Variants in CTXND1 observed in about 807,000 individuals in gnomAD.
CTXND1 encodes cortexin domain containing 1, also known as cortexin domain-containing 1 protein.
rs1364556123 is a variant in CTXND1 at position 80,220,123 on chromosome 15, TATCTATCTATCTATCTATCTATC to T, written c.-217-16406_-217-16384del. Among the ~76,000 whole-genome samples, 801 of 113,864 alleles carry T rather than the reference TATCTATCTATCTATCTATCTATC, an allele frequency of 7.0e-3. 7 individuals are homozygous for T. The highest frequency in any genetic ancestry group is 0.018 in the Middle Eastern group (4 of 228). The allele number at this position is 113,864 out of a possible 152,430, so 74.7% of individuals were successfully genotyped here. Reference sequence around the variant, plus strand: ...TCATCTATCTATCTATCTATCTATCTATCTATCTATCTATCTATCTATCATCTATCTATCTATCTATCTATCTA... The same window carrying T: ...TCATCTATCTATCTATCTATCTATCTATCTATCTATCTATCTATCTATCTA... On this transcript the variant is annotated intron_variant, in intron 1 of 2. Transcript: ENST00000560778.
intron 1 of CTXND1, among the ~76,000 whole-genome samples, chr15:80,241,071 A>G (rs1042623321): frequency 3.3e-5 from 5 of 152,148 alleles, no homozygotes; most frequent in African/African-American, 1.2e-4. Flanking sequence ...TTGCACCCTC[A>G]CCTTCCCTTG....
At chr15:80,230,020 G>T (rs943639952) in intron 1 of CTXND1, among the ~76,000 whole-genome samples, 2 of 152,146 alleles carry the variant, frequency 1.3e-5, no homozygotes, top group African/African-American at 4.8e-5. Flanking sequence ...TCCTGGTCAT[G>T]TTCAGAATTA....
intron 1 of CTXND1, among the ~76,000 whole-genome samples, chr15:80,221,768 T>A (rs1893322240): frequency 6.6e-6 from 1 of 152,220 alleles, no homozygotes. Context: ...TTTCTTTGAG[T>A]ATAACTTTGG....
At position 80,201,581 on chromosome 15, in the gene CTXND1, G is replaced by A. The variant is rs567027649; in HGVS notation, c.*189C>T. On this transcript the variant is annotated 3_prime_UTR_variant, in exon 3 of 3. Transcript: ENST00000560778. ...GCTGGTCCATGGTTGCGACACCCAC[G>A]GCACCCGGGCATTCCACGCTGGTGC... 30 of 391,004 alleles carry A rather than the reference G, an allele frequency of 7.7e-5. No individual in the cohort carries two copies. Among genetic ancestry groups the A allele is most frequent in the African/African-American group, 4.5e-4 (22 of 48,614 alleles). The allele number at this position is 391,004 out of a possible 1,614,324, so 24.2% of individuals were successfully genotyped here. A position where few individuals can be genotyped will look rare whatever the true frequency, so the allele number is the denominator to read the frequency against.
At chr15:80,237,728 ACTG>A (rs1893517642) in intron 1 of CTXND1, among the ~76,000 whole-genome samples, 1 of 152,174 alleles carries the variant, frequency 6.6e-6, no homozygotes, top group South Asian at 2.1e-4. Context: ...GTTAAAACAC[ACTG>A]GGTGCAGTGG....
In CTXND1 at chr15:80,242,715, T is replaced by C. The variant is rs1893584321; in HGVS notation, c.-218+9292A>G. ...AGAATTTCACATAAAATTCAGGATT[T>C]CTGCTTTTGGAAGATTGGCTACACT... is the stretch of plus-strand genomic sequence containing the variant. On this transcript the variant is annotated intron_variant, in intron 1 of 2. Transcript: ENST00000560778. 1.3e-5 allele frequency among the ~76,000 whole-genome samples: 2 copies of C among 152,214 alleles called. 1 individual carries two copies. Among genetic ancestry groups the C allele is most frequent in the South Asian group, 4.1e-4 (2 of 4,828 alleles).
At chr15:80,237,130 T>C (rs1893508677) in intron 1 of CTXND1, among the ~76,000 whole-genome samples, 1 of 151,848 alleles carries the variant, frequency 6.6e-6, no homozygotes, top group Admixed American at 6.6e-5. Flanking sequence ...GATCAGCAGA[T>C]AGAGACCATC....
chr15:80,237,227 T>C (rs2114712), intron 1 of CTXND1, among the ~76,000 whole-genome samples: 64,053 of 150,546 alleles, frequency 0.43, 14,500 homozygotes, highest in East Asian at 0.85. Flanking sequence ...CCCAGCTACT[T>C]GGGAGGCTGA....
chr15:80,239,063 C>T (rs1214723917), intron 1 of CTXND1, among the ~76,000 whole-genome samples: 3 of 152,320 alleles, frequency 2.0e-5, no homozygotes, highest in East Asian at 1.9e-4. Flanking sequence ...GCTGGCATCC[C>T]GAGCAGTCAG....
At chr15:80,209,544 G>A (rs1317522932) in intron 1 of CTXND1, among the ~76,000 whole-genome samples, 2 of 152,228 alleles carry the variant, frequency 1.3e-5, no homozygotes, top group Non-Finnish European at 2.9e-5. Flanking sequence ...GAAAGTGGCC[G>A]CTGGGCTGAC....
chr15:80,223,714 G>T (rs909789134), intron 1 of CTXND1, among the ~76,000 whole-genome samples: 1 of 151,788 alleles, frequency 6.6e-6, no homozygotes, highest in Non-Finnish European at 1.5e-5. Flanking sequence ...CACTTGGTAG[G>T]TTGGGCCTTG....
At chr15:80,215,129 C>T in intron 1 of CTXND1, among the ~76,000 whole-genome samples, 1 of 152,216 alleles carries the variant, frequency 6.6e-6, no homozygotes, top group East Asian at 1.9e-4. Context: ...AGAGTGTTTA[C>T]TTGGCCCAAG....
In CTXND1 at chr15:80,198,904, A is replaced by G. The variant is rs2041434337; in HGVS notation, c.*2866T>C. The G allele has an allele frequency of 6.6e-6, 1 of 152,268 alleles. No homozygotes were observed. The highest frequency in any genetic ancestry group is 2.4e-5 in the African/African-American group (1 of 41,474). 9.4% of individuals were successfully genotyped at this position (152,268 alleles called of 1,614,324 possible). A position where few individuals can be genotyped will look rare whatever the true frequency, so the allele number is the denominator to read the frequency against. ...GACAAGTGTGAAGAATGTAGCAGCA[A>G]CATGAAAGTATACTTGTGATGTAAT... On this transcript the variant is annotated 3_prime_UTR_variant, in exon 3 of 3. Transcript: ENST00000560778.
In CTXND1 at chr15:80,234,788, CTT is replaced by C. The variant is rs774718333; in HGVS notation, c.-218+17217_-218+17218del. Among the ~76,000 whole-genome samples, 7 of 152,254 alleles carry C rather than the reference CTT, an allele frequency of 4.6e-5. No homozygotes were observed. In the South Asian group the frequency reaches 1.2e-3, roughly 27 times the overall value. The stretch of plus-strand genomic sequence containing the variant: ...CCACTGCTCCTGGCCTCAGCATACT[CTT>C]TTGATGGGGCTGTCTTCCATCGCCT... On this transcript the variant is annotated intron_variant, in intron 1 of 2. Transcript: ENST00000560778.
At chr15:80,238,487 T>G (rs71399404) in intron 1 of CTXND1, among the ~76,000 whole-genome samples, 3,073 of 135,452 alleles carry the variant, frequency 0.023, 43 homozygotes, top group Non-Finnish European at 0.037. Context: ...ACCATGTTTG[T>G]TTTTTTTTTT....
intron 1 of CTXND1, among the ~76,000 whole-genome samples, chr15:80,233,979 C>T (rs1277732785): frequency 1.3e-5 from 2 of 152,184 alleles, no homozygotes; most frequent in African/African-American, 4.8e-5. Flanking sequence ...CCTACCTCCT[C>T]CATTCCCATT....
At chr15:80,248,899 C>G (rs528106481) in intron 1 of CTXND1, among the ~76,000 whole-genome samples, 54 of 152,246 alleles carry the variant, frequency 3.5e-4, no homozygotes, top group African/African-American at 1.3e-3. Flanking sequence ...TGTCTGCCAC[C>G]AGGCTGGGTT....
At chr15:80,207,987 C>T (rs184195359) in intron 1 of CTXND1, among the ~76,000 whole-genome samples, 127 of 152,304 alleles carry the variant, frequency 8.3e-4, no homozygotes, top group African/African-American at 2.9e-3. Context: ...TTTGATTCTG[C>T]GCTGTGGAAT....
intron 1 of CTXND1, among the ~76,000 whole-genome samples, chr15:80,206,382 T>A (rs1036844964): frequency 2.6e-5 from 4 of 152,226 alleles, no homozygotes; most frequent in African/African-American, 9.6e-5. Context: ...CATCTTTGCA[T>A]GTGTTTAAGA....
Sources: allele counts gnomAD v4.1 joint callset (sites outside exome capture counted in the v4.1 genomes callset), GRCh38; gene constraint gnomAD v4.1.1; transcripts MANE v1.5; gene names NCBI Gene and HGNC (gene_info 2026-07-23, HGNC 2026-07-21).